The following SMOC2 variants were observed in gnomAD, a reference collection of about 807,000 sequenced individuals.
SMOC2 encodes the protein SPARC-related modular calcium-binding protein 2.
SMOC2 carries 39 observed loss-of-function variants against 61.4 expected under a neutral mutation model. That is an observed-to-expected ratio of 0.64 (90% CI 0.49 to 0.83). The LOEUF (loss-of-function observed/expected upper bound fraction) is 0.83. Ranked by LOEUF, SMOC2 falls within the 40% of genes least tolerant of loss-of-function variation. The probability of loss-of-function intolerance (pLI) is 0.00; values close to 1 mark genes in which losing one functional copy is unlikely to be tolerated. For missense variants in SMOC2, 556 were observed against 592.9 expected (o/e 0.94, Z 0.65); for synonymous variants, 247 against 239.9 (o/e 1.03, Z -0.27).
intron 9 of SMOC2, among the ~76,000 whole-genome samples, chr6:168,630,924 T>C (rs1316163442): frequency 2.0e-5 from 3 of 152,194 alleles, no homozygotes; most frequent in Non-Finnish European, 4.4e-5. Flanking sequence ...AAACCCTGTC[T>C]CCTGATAAGA....
At chr6:168,568,612 T>C (rs1784598953) in intron 7 of SMOC2, among the ~76,000 whole-genome samples, 3 of 152,162 alleles carry the variant, frequency 2.0e-5, no homozygotes, top group African/African-American at 7.2e-5. Context: ...TAGAGTGACG[T>C]GTACCCACCA....
intron 1 of SMOC2, among the ~76,000 whole-genome samples, chr6:168,472,657 T>C (rs1781989124): frequency 6.6e-6 from 1 of 152,176 alleles, no homozygotes; most frequent in African/African-American, 2.4e-5. Context: ...CTATTGCTTT[T>C]GGACATCTTG....
chr6:168,581,009 T>A lies in SMOC2; in HGVS notation c.638-17809T>A, dbSNP rs567394848. Reference sequence around the variant, plus strand: ...CTTGGGAATTAAAGTATGCAACCAGTCAGAAATGAATGCCCGTCATAGGCA... The same window carrying A: ...CTTGGGAATTAAAGTATGCAACCAGACAGAAATGAATGCCCGTCATAGGCA... On this transcript the variant is annotated intron_variant, in intron 7 of 12. Coordinates refer to ENST00000356284, the MANE Select transcript of SMOC2 (RefSeq NM_001166412.2). 5.3e-5 allele frequency among the ~76,000 whole-genome samples: 8 copies of A among 152,290 alleles called. No homozygotes were observed. In the South Asian group the frequency reaches 1.7e-3, roughly 32 times the overall value.
intron 11 of SMOC2, among the ~76,000 whole-genome samples, chr6:168,660,053 G>A (rs1787469093): frequency 1.3e-5 from 1 of 78,558 alleles, no homozygotes; most frequent in Admixed American, 1.4e-4. Flanking sequence ...TTGTAGGTTG[G>A]CCTGAATAGG....
intron 1 of SMOC2, 88 bp from the exon 2 acceptor site, chr6:168,509,827 G>T: frequency 1.5e-6 from 2 of 1,347,974 alleles, no homozygotes; most frequent in Non-Finnish European, 2.0e-6. Flanking sequence ...TTCCCTGACC[G>T]TGAAGTGGCC....
chr6:168,510,221 A>C, intron 2 of SMOC2, 135 bp downstream of exon 2: 2 of 759,208 alleles, frequency 2.6e-6, no homozygotes, highest in Non-Finnish European at 4.1e-6. Flanking sequence ...TACAGCATGT[A>C]AGGAAGAAGA....
intron 9 of SMOC2, among the ~76,000 whole-genome samples, chr6:168,615,434 T>C (rs1269819526): frequency 1.8e-5 from 2 of 109,698 alleles, no homozygotes; most frequent in Middle Eastern, 4.8e-3. Context: ...ACAGGGGGCC[T>C]CTTCACACCT....
At chr6:168,604,750 T>G (rs753883301) in intron 8 of SMOC2, among the ~76,000 whole-genome samples, 7 of 152,228 alleles carry the variant, frequency 4.6e-5, no homozygotes, top group Non-Finnish European at 7.3e-5. Context: ...CATGTCACCA[T>G]GCATGAGAAT....
At chr6:168,467,969 A>C (rs1334373000) in intron 1 of SMOC2, among the ~76,000 whole-genome samples, 3 of 152,226 alleles carry the variant, frequency 2.0e-5, no homozygotes, top group Admixed American at 6.5e-5. Context: ...AAACTGTAGC[A>C]AAAAGTTATC....
At chr6:168,564,389 T>C (rs1303491769) in intron 7 of SMOC2, among the ~76,000 whole-genome samples, 4 of 152,220 alleles carry the variant, frequency 2.6e-5, no homozygotes, top group African/African-American at 9.6e-5. Context: ...TGTCTAATCA[T>C]GTATACTGCA....
At chr6:168,514,947 G>A (rs1228684654) in intron 2 of SMOC2, among the ~76,000 whole-genome samples, 3 of 152,200 alleles carry the variant, frequency 2.0e-5, no homozygotes, top group Non-Finnish European at 2.9e-5. Flanking sequence ...GGCTTTTCAG[G>A]TGTCTCCCTA....
At chr6:168,664,810 A>C (rs528607726) in intron 12 of SMOC2, 53 of 471,116 alleles carry the variant, frequency 1.1e-4, no homozygotes, top group African/African-American at 1.0e-3. Flanking sequence ...GAAGATAAAC[A>C]TGAGTGGGTT....
At chr6:168,618,898 C>CA (rs1265553033) in intron 9 of SMOC2, among the ~76,000 whole-genome samples, 1 of 152,150 alleles carries the variant, frequency 6.6e-6, no homozygotes, top group Admixed American at 6.5e-5. Flanking sequence ...CCACAGACTC[C>CA]ACTAAACTGG....
intron 1 of SMOC2, among the ~76,000 whole-genome samples, chr6:168,443,871 C>CT (rs1304744456): frequency 4.6e-5 from 7 of 152,180 alleles, no homozygotes; most frequent in Admixed American, 6.5e-5. Context: ...AGGCAAGTTA[C>CT]TTAATTTCAT....
At chr6:168,591,950 A>G (rs1025117840) in intron 7 of SMOC2, among the ~76,000 whole-genome samples, 13 of 152,066 alleles carry the variant, frequency 8.5e-5, no homozygotes, top group African/African-American at 1.2e-4. Flanking sequence ...TTCTCTATCA[A>G]TGGTCATTTT....
intron 7 of SMOC2, among the ~76,000 whole-genome samples, chr6:168,573,838 G>A (rs189195210): frequency 6.6e-6 from 1 of 152,288 alleles, no homozygotes; most frequent in East Asian, 1.9e-4. Flanking sequence ...ATCCAGTGGA[G>A]GCTTTTTGTT....
intron 8 of SMOC2, among the ~76,000 whole-genome samples, chr6:168,600,917 G>A (rs1785536234): frequency 6.6e-6 from 1 of 152,196 alleles, no homozygotes; most frequent in South Asian, 2.1e-4. Flanking sequence ...CAAGAGCTGT[G>A]TGTTCATGGA....
chr6:168,560,044 ATG>A (rs1232043999), intron 7 of SMOC2, among the ~76,000 whole-genome samples: 1 of 152,256 alleles, frequency 6.6e-6, no homozygotes, highest in Admixed American at 6.5e-5. Flanking sequence ...GCACATGTGT[ATG>A]TGTGTAACCA....
At chr6:168,595,272 G>A (rs1225050515) in intron 7 of SMOC2, among the ~76,000 whole-genome samples, 4 of 151,774 alleles carry the variant, frequency 2.6e-5, no homozygotes, top group Non-Finnish European at 4.4e-5. Context: ...GAGGATCGCC[G>A]AGCTCCTCCT....
Sources: gnomAD v4.1 joint callset for allele counts (sites outside exome capture counted in the v4.1 genomes callset) on GRCh38, gnomAD v4.1.1 for gene constraint, MANE v1.5 for transcripts, NCBI Gene and HGNC (gene_info 2026-07-23, HGNC 2026-07-21) for gene names.